CAMKMT: variants seen among roughly 807,000 people sequenced by gnomAD.
The protein encoded by CAMKMT is CaM KMT.
Under a neutral mutation model 48.0 loss-of-function variants are expected in CAMKMT, and 53 were observed. That is an observed-to-expected ratio of 1.10 (90% CI 0.89 to 1.39). The LOEUF (loss-of-function observed/expected upper bound fraction) is 1.39. CAMKMT is among the 40% of genes most tolerant of loss of function. The pLI is 0.00. For synonymous variants in CAMKMT, 165 were observed against 152.3 expected (o/e 1.08, Z -0.61); for missense variants, 428 against 402.7 (o/e 1.06, Z -0.54).
At chr2:44,763,643 C>T (rs1680710213) in intron 9 of CAMKMT, among the ~76,000 whole-genome samples, 1 of 152,172 alleles carries the variant, frequency 6.6e-6, no homozygotes, top group South Asian at 2.1e-4. Flanking sequence ...CGGCGAGGGA[C>T]TGGAGAGTGA....
At chr2:44,497,256 T>C (rs1004372083) in intron 3 of CAMKMT, among the ~76,000 whole-genome samples, 9 of 152,194 alleles carry the variant, frequency 5.9e-5, no homozygotes, top group African/African-American at 2.2e-4. Flanking sequence ...ATTTTGTGTA[T>C]GTTTATTCTT....
chr2:44,650,622 G>T (rs997332767), intron 3 of CAMKMT, among the ~76,000 whole-genome samples: 1 of 152,106 alleles, frequency 6.6e-6, no homozygotes, highest in African/African-American at 2.4e-5. Context: ...CAATATGAAA[G>T]ATTACTTGAT....
intron 3 of CAMKMT, among the ~76,000 whole-genome samples, chr2:44,621,312 AGTT>A (rs1242942683): frequency 6.6e-6 from 1 of 151,424 alleles, no homozygotes; most frequent in African/African-American, 2.4e-5. Context: ...CCCATGTAAC[AGTT>A]GTTGTTACAG....
chr2:44,565,081 G>A (rs891992122), intron 3 of CAMKMT, among the ~76,000 whole-genome samples: 1 of 152,148 alleles, frequency 6.6e-6, no homozygotes, highest in African/African-American at 2.4e-5. Context: ...GGGTTCTTCG[G>A]AGAAGGCATC....
intron 9 of CAMKMT, among the ~76,000 whole-genome samples, chr2:44,755,171 A>G (rs532833468): frequency 6.6e-6 from 1 of 152,278 alleles, no homozygotes; most frequent in South Asian, 2.1e-4. Flanking sequence ...CAGAAACTTA[A>G]AACAGGTGTC....
intron 3 of CAMKMT, among the ~76,000 whole-genome samples, chr2:44,607,290 A>G (rs1288952857): frequency 6.6e-6 from 1 of 152,192 alleles, no homozygotes; most frequent in African/African-American, 2.4e-5. Flanking sequence ...CTCCAATAAC[A>G]TTAAAATGTT....
At chr2:44,523,332 G>T (rs187656856) in intron 3 of CAMKMT, among the ~76,000 whole-genome samples, 5 of 146,492 alleles carry the variant, frequency 3.4e-5, no homozygotes, top group Admixed American at 6.9e-5. Context: ...TCACTCTGTC[G>T]CCCAGGGTAT....
chr2:44,458,042 C>CTTTTTTTTT (rs541348745), intron 3 of CAMKMT, among the ~76,000 whole-genome samples: 1 of 75,396 alleles, frequency 1.3e-5, no homozygotes, highest in Non-Finnish European at 2.4e-5. Flanking sequence ...AGCTTTGTGA[C>CTTTTTTTTT]TTTTTTTTTT....
chr2:44,468,643 G>T lies in CAMKMT; in HGVS notation c.376+78338G>T, dbSNP rs182182055. Among the ~76,000 whole-genome samples the T allele has an allele frequency of 6.6e-3, 1,009 of 152,160 alleles. 3 individuals are homozygous for T. The highest frequency in any genetic ancestry group is 0.021 in the South Asian group (100 of 4,824). On this transcript the variant is annotated intron_variant, in intron 3 of 10. Transcript: ENST00000378494. ...ATAGATAAAGAAAATATAAGGCCAGGTGTGGTGGCTTATGCCTGTAATCCC... is the reference window on the plus strand; with the variant it reads ...ATAGATAAAGAAAATATAAGGCCAGTTGTGGTGGCTTATGCCTGTAATCCC...
chr2:44,683,822 CAAAAAAAAA>C (rs10644183), intron 3 of CAMKMT, among the ~76,000 whole-genome samples: 2 of 70,936 alleles, frequency 2.8e-5, no homozygotes, highest in African/African-American at 5.4e-5. Context: ...GACTCTGTCT[CAAAAAAAAA>C]AAAAAAAAAA....
At chr2:44,625,486 TGTCTTTTTAAGAGCAGAAGATTTTA>T (rs1672431242) in intron 3 of CAMKMT, among the ~76,000 whole-genome samples, 1 of 152,146 alleles carries the variant, frequency 6.6e-6, no homozygotes, top group Non-Finnish European at 1.5e-5. Flanking sequence ...TTATTAATAC[TGTCTTTTTAAGAGCAGAAGATTTTA>T]GTTTTTATAA....
chr2:44,378,236 A>G (rs1019201698), intron 2 of CAMKMT, among the ~76,000 whole-genome samples: 1 of 152,132 alleles, frequency 6.6e-6, no homozygotes, highest in Non-Finnish European at 1.5e-5. Flanking sequence ...TTAGTTTTCT[A>G]ATTTGTTTTA....
intron 3 of CAMKMT, among the ~76,000 whole-genome samples, chr2:44,604,558 G>GTTTTTTT (rs34125010): frequency 2.5e-3 from 356 of 143,362 alleles, no homozygotes; most frequent in African/African-American, 8.5e-3. Flanking sequence ...AGCCAATCTG[G>GTTTTTTT]TTTTTTTTTT....
At chr2:44,376,915 T>A (rs1224297627) in intron 2 of CAMKMT, among the ~76,000 whole-genome samples, 1 of 152,194 alleles carries the variant, frequency 6.6e-6, no homozygotes, top group Non-Finnish European at 1.5e-5. Flanking sequence ...GACTCTTTGT[T>A]TCAAATTACG....
At chr2:44,731,037 G>T (rs966659856) in intron 7 of CAMKMT, among the ~76,000 whole-genome samples, 1 of 152,160 alleles carries the variant, frequency 6.6e-6, no homozygotes, top group Non-Finnish European at 1.5e-5. Flanking sequence ...CTTTTTAACA[G>T]CAGAGTTTAA....
chr2:44,737,220 G>A (rs998202800), intron 7 of CAMKMT, among the ~76,000 whole-genome samples: 4 of 152,002 alleles, frequency 2.6e-5, no homozygotes, highest in African/African-American at 9.7e-5. Flanking sequence ...AGCTCAAGTG[G>A]TCCTCCCTTC....
chr2:44,429,401 T>G (rs1290359742), intron 3 of CAMKMT, among the ~76,000 whole-genome samples: 1 of 152,096 alleles, frequency 6.6e-6, no homozygotes, highest in Non-Finnish European at 1.5e-5. Context: ...GTTTGTTCAA[T>G]CTGAAATAGC....
At chr2:44,389,975 G>A (rs1255460038) in intron 2 of CAMKMT, among the ~76,000 whole-genome samples, 2 of 152,104 alleles carry the variant, frequency 1.3e-5, no homozygotes, top group African/African-American at 4.8e-5. Flanking sequence ...TTTACATAAT[G>A]AAAACCCAAC....
intron 3 of CAMKMT, among the ~76,000 whole-genome samples, chr2:44,561,079 T>C (rs1184061283): frequency 1.3e-5 from 2 of 152,248 alleles, no homozygotes; most frequent in African/African-American, 4.8e-5. Context: ...TGTAACATTC[T>C]TGTTTGTCTT....
Sources: allele counts gnomAD v4.1 joint callset (sites outside exome capture counted in the v4.1 genomes callset), GRCh38; gene constraint gnomAD v4.1.1; transcripts MANE v1.5; gene names NCBI Gene and HGNC (gene_info 2026-07-23, HGNC 2026-07-21).